The following ETS1 variants were observed in gnomAD, a reference collection of about 807,000 sequenced individuals.
ETS1 encodes protein C-ets-1.
Under a neutral mutation model 58.6 loss-of-function variants are expected in ETS1, and 15 were observed. The observed-to-expected ratio is 0.26, with a 90% CI of 0.17 to 0.39. The LOEUF (loss-of-function observed/expected upper bound fraction) is 0.39, where lower values mean the gene tolerates loss of function less well. Ranked by LOEUF, ETS1 falls within the 10% of genes least tolerant of loss-of-function variation. ETS1 has a pLI of 1.00. For missense variants in ETS1, 417 were observed against 610.5 expected, an observed-to-expected ratio of 0.68 and a Z score of 3.34; for synonymous variants, 214 against 218.2, an observed-to-expected ratio of 0.98 and a Z score of 0.17.
intron 3 of ETS1, among the ~76,000 whole-genome samples, chr11:128,534,244 A>C (rs1863940200): frequency 6.6e-6 from 1 of 152,196 alleles, no homozygotes; most frequent in Non-Finnish European, 1.5e-5. Context: ...TAATCTTTAG[A>C]CCATAAAAAA....
chr11:128,466,771 CT>C (rs143750888), intron 8 of ETS1, among the ~76,000 whole-genome samples: 8 of 149,462 alleles, frequency 5.4e-5, no homozygotes, highest in South Asian at 4.2e-4. Context: ...CTCTCTAACT[CT>C]TTTTTTTTTC....
chr11:128,577,654 C>G (rs1426688785), intron 1 of ETS1, among the ~76,000 whole-genome samples: 2 of 152,162 alleles, frequency 1.3e-5, no homozygotes, highest in Admixed American at 1.3e-4. Context: ...GCTAATTGGC[C>G]AAGCTGAGAC....
intron 3 of ETS1, among the ~76,000 whole-genome samples, chr11:128,496,999 AC>A (rs1479836505): frequency 6.6e-6 from 1 of 152,154 alleles, no homozygotes; most frequent in Non-Finnish European, 1.5e-5. Context: ...ACCCATCCCA[AC>A]CAAACCGTCT....
rs976617146 is a variant in ETS1, at chr11:128,485,493, C to G, written c.614-422G>C. On this transcript the variant is annotated intron_variant, in intron 6 of 9. Coordinates refer to ENST00000392668, the MANE Select transcript of ETS1 (RefSeq NM_001143820.2). ...ACCTGTTTCATATTCCCTGTAAAAG[C>G]ACAGCCATCAGATAAGATGGTCCTA... Among the ~76,000 whole-genome samples, 4 of 152,280 alleles carry G rather than the reference C, an allele frequency of 2.6e-5. No homozygotes were observed. In the East Asian group the frequency reaches 7.7e-4, roughly 29 times the overall value.
chr11:128,536,688 G>A (rs993856267), intron 3 of ETS1: 1 of 152,210 alleles, frequency 6.6e-6, no homozygotes, highest in Non-Finnish European at 1.5e-5. Flanking sequence ...GCTTGGAATT[G>A]GTTGAAGGGA....
At chr11:128,509,525 A>C (rs1286187082) in intron 3 of ETS1, among the ~76,000 whole-genome samples, 1 of 151,666 alleles carries the variant, frequency 6.6e-6, no homozygotes, top group Non-Finnish European at 1.5e-5. Flanking sequence ...TGGATTTGAA[A>C]ATGCACCATG....
At chr11:128,565,081 T>C (rs376793842) in intron 2 of ETS1, among the ~76,000 whole-genome samples, 1 of 115,980 alleles carries the variant, frequency 8.6e-6, no homozygotes, top group Admixed American at 8.2e-5. Context: ...TTGTAAGGAG[T>C]TGTTATGGAT....
In ETS1 at chr11:128,484,872, T is replaced by A; in HGVS notation, c.813A>T (p.Lys271Asn). Reference sequence around the variant, plus strand: ...TGTTGTCTGGGGTGACGACTTCTTGTTTGATAGCAAAGTAGTCATTCTGCA... The same window carrying A: ...TGTTGTCTGGGGTGACGACTTCTTGATTGATAGCAAAGTAGTCATTCTGCA... ...DTLQNDYFAI[K>N]QEVVTPDNMC... The change falls in exon 7 of 10, where the codon AAA (lysine) becomes AAT (asparagine). Residue 271 changes from lysine (K) to asparagine (N), a missense_variant. This residue lies in a region of ETS1 where 139 missense variants were observed against 152.1 expected (regional missense o/e 0.91). Coordinates refer to ENST00000392668, the MANE Select transcript of ETS1 (RefSeq NM_001143820.2). 1 of 1,613,972 alleles carries A rather than the reference T, an allele frequency of 6.2e-7. No individual in the cohort carries two copies. Among genetic ancestry groups the A allele is most frequent in the Non-Finnish European group, 8.5e-7 (1 of 1,179,894 alleles).
Position 128,480,281 on chromosome 11 carries a change from T to C in ETS1, c.1033A>G (p.Lys345Glu), listed in dbSNP as rs1228404093. 1 of 1,614,084 alleles carries C rather than the reference T, an allele frequency of 6.2e-7. No homozygotes were observed. Among genetic ancestry groups the C allele is most frequent in the Admixed American group, 1.7e-5 (1 of 60,016 alleles). Residue 345 changes from lysine to glutamate, a missense_variant, in exon 8 of 10, where the codon AAG becomes GAG. This residue lies in a region of ETS1 where 139 missense variants were observed against 152.1 expected (regional missense o/e 0.91). Coordinates refer to ENST00000392668, the MANE Select transcript of ETS1 (RefSeq NM_001143820.2). The part of the protein sequence containing the change: ...YPAALPNHKP[K>E]GTFKDYVRDR... Reference sequence around the variant, plus strand: ...CGCACATAGTCCTTGAAGGTGCCCTTGGGCTTGTGGTTGGGCAGGGCAGCC... The same window carrying C: ...CGCACATAGTCCTTGAAGGTGCCCTCGGGCTTGTGGTTGGGCAGGGCAGCC...
At chr11:128,540,343 A>C (rs1370480212) in intron 3 of ETS1, among the ~76,000 whole-genome samples, 3 of 150,892 alleles carry the variant, frequency 2.0e-5, no homozygotes, top group Non-Finnish European at 4.4e-5. Flanking sequence ...AAAAAAGAAG[A>C]AGAAGAAAAA....
chr11:128,487,638 G>A (rs768499004), intron 5 of ETS1, among the ~76,000 whole-genome samples: 3 of 151,938 alleles, frequency 2.0e-5, no homozygotes, highest in Non-Finnish European at 4.4e-5. Flanking sequence ...ACTCAGGAGG[G>A]TGAGGCAGGA....
intron 8 of ETS1, 35 bp downstream of exon 8, chr11:128,480,156 G>A (rs1016873341): frequency 6.2e-7 from 1 of 1,607,320 alleles, no homozygotes. Flanking sequence ...GAAACGTGCA[G>A]ATGGAGTTGG....
In ETS1 at chr11:128,549,316, C is replaced by A. The variant is rs1864191273; in HGVS notation, c.214+6975G>T. 6.6e-6 allele frequency among the ~76,000 whole-genome samples: 1 copy of A among 152,002 alleles called. No homozygotes were observed. Among genetic ancestry groups the A allele is most frequent in the African/African-American group, 2.4e-5 (1 of 41,380 alleles). On this transcript the variant is annotated intron_variant, in intron 3 of 9. Transcript: ENST00000392668. The surrounding 1 kb of genome is among the most constrained non-coding windows in gnomAD (Gnocchi z 4.3). ...CTCTCCTGGGCTCCGGCTCCCACCT[C>A]ATCGGCCCACCCGAAGATGTCCATT...
chr11:128,487,652 T>A (rs1207778540), intron 5 of ETS1, among the ~76,000 whole-genome samples: 1 of 151,958 alleles, frequency 6.6e-6, no homozygotes, highest in Non-Finnish European at 1.5e-5. Context: ...GGCAGGAGAA[T>A]CGCTTGAACC....
chr11:128,502,593 T>G (rs1056821010), intron 3 of ETS1, among the ~76,000 whole-genome samples: 5 of 152,252 alleles, frequency 3.3e-5, no homozygotes, highest in Non-Finnish European at 5.9e-5. Flanking sequence ...CACAGATATG[T>G]ATGCATTACA....
At chr11:128,573,030 G>A (rs1207228393) in intron 2 of ETS1, 32 bp downstream of exon 2, 3 of 1,566,330 alleles carry the variant, frequency 1.9e-6, no homozygotes, top group African/African-American at 2.7e-5. Context: ...AGATTGTGTG[G>A]GCAAAGGGGC....
At chr11:128,564,068 A>AT (rs1555088926) in intron 2 of ETS1, among the ~76,000 whole-genome samples, 1 of 151,990 alleles carries the variant, frequency 6.6e-6, no homozygotes, top group East Asian at 1.9e-4. Context: ...TTTTGGTCAG[A>AT]GGTATTTGGC....
chr11:128,515,109 C>T (rs1863486864), intron 3 of ETS1, among the ~76,000 whole-genome samples: 1 of 152,114 alleles, frequency 6.6e-6, no homozygotes, highest in South Asian at 2.1e-4. Flanking sequence ...GAAAACACAA[C>T]ATTTTTTTTG....
chr11:128,462,843 A>T (rs890610901), intron 9 of ETS1, among the ~76,000 whole-genome samples: 1 of 152,186 alleles, frequency 6.6e-6, no homozygotes, highest in Non-Finnish European at 1.5e-5. Flanking sequence ...TAAATATGTG[A>T]CTTTAAAAAA....
Sources: allele counts gnomAD v4.1 joint callset (sites outside exome capture counted in the v4.1 genomes callset), GRCh38; gene constraint gnomAD v4.1.1; regional missense constraint gnomAD v4.1.1; non-coding constraint Gnocchi (gnomAD v3.1); transcripts MANE v1.5; gene names NCBI Gene and HGNC (gene_info 2026-07-23, HGNC 2026-07-21).